Variants in BPI observed in about 807,000 individuals in gnomAD.
BPI encodes bactericidal permeability-increasing protein.
A neutral mutation model predicts 57.6 loss-of-function variants in BPI; 48 were observed. The ratio of observed to expected loss-of-function variants is 0.83; its 90% CI spans 0.66 to 1.06. The LOEUF (loss-of-function observed/expected upper bound fraction) is 1.06, where lower values mean the gene tolerates loss of function less well. BPI is among the 50% of genes least tolerant of loss of function. The pLI, the probability that BPI is intolerant of heterozygous loss-of-function variation, is 0.00. For missense variants in BPI, 651 were observed against 609.7 expected (o/e 1.07, Z -0.71); for synonymous variants, 237 against 238.2 (o/e 0.99, Z 0.05).
chr20:38,305,809 C>T (rs919584955), intron 1 of BPI, among the ~76,000 whole-genome samples: 1 of 152,144 alleles, frequency 6.6e-6, no homozygotes, highest in East Asian at 1.9e-4. Flanking sequence ...TATACGGAGC[C>T]TAGAACAGTG....
At chr20:38,318,557 C>A in intron 6 of BPI, 81 bp downstream of exon 6, 1 of 1,490,608 alleles carries the variant, frequency 6.7e-7, no homozygotes, top group South Asian at 1.1e-5. Flanking sequence ...GTGATGGGGC[C>A]GGCAAGTTTC....
At chr20:38,321,245 A>T (rs1454436596) in intron 7 of BPI, among the ~76,000 whole-genome samples, 1 of 117,786 alleles carries the variant, frequency 8.5e-6, no homozygotes, top group Non-Finnish European at 1.7e-5. Context: ...GGGTGGGTAG[A>T]TGGGTGGGGG....
intron 6 of BPI, among the ~76,000 whole-genome samples, chr20:38,319,167 G>A (rs545491213): frequency 2.6e-5 from 4 of 152,234 alleles, no homozygotes; most frequent in South Asian, 2.1e-4. Context: ...CCCAGGAGGC[G>A]GAGGTTGCAG....
Position 38,323,054 on chromosome 20 carries a change from T to A in BPI, c.757-816T>A, listed in dbSNP as rs8120805. On this transcript the variant is annotated intron_variant, in intron 7 of 14. Coordinates refer to ENST00000642449, the MANE Select transcript of BPI (RefSeq NM_001725.3). Reference sequence around the variant, plus strand: ...ACAGATTTAAGAGATCTTACCATTTTGTCATATTTCCTTCTGATTTTTAAA... The same window carrying A: ...ACAGATTTAAGAGATCTTACCATTTAGTCATATTTCCTTCTGATTTTTAAA... Among the ~76,000 whole-genome samples the A allele has an allele frequency of 7.3e-3, 1,118 of 152,364 alleles. 10 individuals carry two copies. The highest frequency in any genetic ancestry group is 0.026 in the African/African-American group (1,088 of 41,582).
At chr20:38,335,169 G>A (rs139236698) in intron 13 of BPI, among the ~76,000 whole-genome samples, 9 of 152,266 alleles carry the variant, frequency 5.9e-5, no homozygotes, top group African/African-American at 1.2e-4. Flanking sequence ...CCAAAGTTCC[G>A]TGTCAGAATG....
intron 5 of BPI, among the ~76,000 whole-genome samples, chr20:38,314,590 G>T (rs1424087798): frequency 8.9e-6 from 1 of 112,194 alleles, no homozygotes; most frequent in Admixed American, 9.5e-5. Flanking sequence ...ATGATGGTGG[G>T]GATGATGATA....
At chr20:38,329,955 G>T (rs998083950) in intron 11 of BPI, among the ~76,000 whole-genome samples, 2 of 152,036 alleles carry the variant, frequency 1.3e-5, no homozygotes, top group Non-Finnish European at 2.9e-5. Context: ...CAAGTGATCT[G>T]CCTGCCTCAG....
intron 11 of BPI, among the ~76,000 whole-genome samples, chr20:38,328,651 A>G (rs1422642392): frequency 2.6e-5 from 4 of 152,014 alleles, no homozygotes; most frequent in Non-Finnish European, 5.9e-5. Flanking sequence ...ACTTCCAGGG[A>G]TAGAATAAAC....
intron 4 of BPI, 39 bp from the exon 5 acceptor site, chr20:38,311,835 C>A: frequency 6.3e-7 from 1 of 1,599,460 alleles, no homozygotes; most frequent in Non-Finnish European, 8.6e-7. Context: ...CAGGGACAAT[C>A]AAAAAGCCTC....
chr20:38,309,995 TCA>T (rs2076614551), intron 3 of BPI, among the ~76,000 whole-genome samples: 1 of 152,134 alleles, frequency 6.6e-6, no homozygotes, highest in Non-Finnish European at 1.5e-5. Flanking sequence ...CCCTTAATGA[TCA>T]CACACAAAAA....
At chr20:38,335,791 C>T (rs1006294602) in intron 14 of BPI, 117 bp downstream of exon 14, 2 of 983,622 alleles carry the variant, frequency 2.0e-6, no homozygotes, top group Admixed American at 2.3e-5. Context: ...ACCCTTACAA[C>T]AACTCTGGGA....
At chr20:38,334,310 C>A in intron 12 of BPI, 120 bp from the exon 13 acceptor site, 1 of 935,752 alleles carries the variant, frequency 1.1e-6, no homozygotes, top group Non-Finnish European at 1.7e-6. Context: ...TTCCCAACTG[C>A]GCGGTTGCTG....
Position 38,307,507 on chromosome 20 carries a change from C to T in BPI, c.131-60C>T, listed in dbSNP as rs185111957. 394 of 1,266,278 alleles carry T rather than the reference C, an allele frequency of 3.1e-4. 4 individuals are homozygous for T. In the East Asian group the frequency reaches 9.9e-3, roughly 32 times the overall value. 78.4% of individuals were successfully genotyped at this position (1,266,278 alleles called of 1,614,324 possible). ...GGCCCAGGGTCCAGAGCCTGCCCTG[C>T]CCCTCTGTCCCCTGCTCCAGGCTGT... On this transcript the variant is annotated intron_variant, in intron 1 of 14. Coordinates refer to ENST00000642449, the MANE Select transcript of BPI (RefSeq NM_001725.3).
rs6024932 is a variant in BPI, at chr20:38,334,644, A to G, written c.1336+151A>G. On this transcript the variant is annotated intron_variant, in intron 13 of 14. Coordinates refer to ENST00000642449, the MANE Select transcript of BPI (RefSeq NM_001725.3). ...TCAAATGGCATCTGACCCAGAAATG[A>G]ATGCAACAAAAAGGAACTCACATGA... 1.6e-3 allele frequency: 1,251 copies of G among 774,480 alleles called. 11 individuals are homozygous for G. In the African/African-American group the frequency reaches 0.019, roughly 12 times the overall value. The allele number at this position is 774,480 out of a possible 1,614,324, so 48.0% of individuals were successfully genotyped here.
chr20:38,328,991 G>A (rs1023736753), intron 11 of BPI, among the ~76,000 whole-genome samples: 1 of 148,702 alleles, frequency 6.7e-6, no homozygotes, highest in African/African-American at 2.5e-5. Context: ...GGGCAACAGA[G>A]CAAGACCCTG....
In BPI at chr20:38,332,431, G is replaced by C. The variant is rs113250800; in HGVS notation, c.1272+1341G>C. Among the ~76,000 whole-genome samples, 361 of 152,270 alleles carry C rather than the reference G, an allele frequency of 2.4e-3. 4 individuals are homozygous for C. Among genetic ancestry groups the C allele is most frequent in the African/African-American group, 8.3e-3 (343 of 41,548 alleles). ...GATATATTTTGGAAGTAGATTTAGA[G>C]AGACCTTAGTGAGAGATATGAGCCT... On this transcript the variant is annotated intron_variant, in intron 12 of 14. Transcript: ENST00000642449.
intron 2 of BPI, 147 bp downstream of exon 2, chr20:38,307,828 A>G: frequency 1.5e-6 from 1 of 676,200 alleles, no homozygotes; most frequent in Non-Finnish European, 2.4e-6. Flanking sequence ...AGGGGAGGCA[A>G]CCTCCCAGCT....
At chr20:38,330,617 G>A (rs1382029203) in intron 11 of BPI, among the ~76,000 whole-genome samples, 1 of 152,192 alleles carries the variant, frequency 6.6e-6, no homozygotes, top group Non-Finnish European at 1.5e-5. Context: ...TATCCTCTGT[G>A]CTGGCTTCAT....
rs745705452 is a variant in BPI, at chr20:38,327,577, T to C, written c.1162-11T>C. The C allele has an allele frequency of 1.2e-6, 2 of 1,612,620 alleles. No individual in the cohort carries two copies. The highest frequency in any genetic ancestry group is 2.2e-5 in the South Asian group (2 of 91,044). ...GTCAGGGCACTTCACCCTGGGTTGT[T>C]GTTTTGGCAGCACACAACTGGTTCC... On this transcript the variant is annotated splice_polypyrimidine_tract_variant and intron_variant, in intron 10 of 14. Coordinates refer to ENST00000642449, the MANE Select transcript of BPI (RefSeq NM_001725.3).
Sources: gnomAD v4.1 joint callset for allele counts (sites outside exome capture counted in the v4.1 genomes callset) on GRCh38, gnomAD v4.1.1 for gene constraint, MANE v1.5 for transcripts, NCBI Gene and HGNC (gene_info 2026-07-23, HGNC 2026-07-21) for gene names.